VMP1: variants seen among roughly 807,000 people sequenced by gnomAD.
VMP1 encodes ectopic P-granules autophagy protein 3 homolog.
Under a neutral mutation model 56.0 loss-of-function variants are expected in VMP1, and 11 were observed. That is an observed-to-expected ratio of 0.20 (90% confidence interval 0.12 to 0.32). The LOEUF (loss-of-function observed/expected upper bound fraction) is 0.32. VMP1 is among the 10% of genes least tolerant of loss of function. VMP1 has a pLI of 1.00. For synonymous variants in VMP1, 149 were observed against 165.0 expected (o/e 0.90, Z 0.74); for missense variants, 296 against 490.3 (o/e 0.60, Z 3.74).
At chr17:59,708,030 AG>A (rs1160912218) in intron 1 of VMP1, 1 of 152,226 alleles carries the variant, frequency 6.6e-6, no homozygotes, top group Non-Finnish European at 1.5e-5. Context: ...AAGCCTTGCT[AG>A]GCTTCTTTAG....
At chr17:59,771,606 G>GTTTTTT (rs1306304917) in intron 6 of VMP1, among the ~76,000 whole-genome samples, 2 of 123,452 alleles carry the variant, frequency 1.6e-5, no homozygotes, top group African/African-American at 3.0e-5. Flanking sequence ...GGTTTTTTTG[G>GTTTTTT]TTTTTTTTTT....
chr17:59,824,420 A>G (rs1598447624), intron 10 of VMP1, among the ~76,000 whole-genome samples: 1 of 150,654 alleles, frequency 6.6e-6, no homozygotes, highest in Non-Finnish European at 1.5e-5. Flanking sequence ...AAAAATACAA[A>G]AAATTAGCCG....
At chr17:59,766,603 C>G (rs987681196) in intron 6 of VMP1, among the ~76,000 whole-genome samples, 4 of 152,118 alleles carry the variant, frequency 2.6e-5, no homozygotes, top group Admixed American at 2.6e-4. Context: ...TAATATAAAC[C>G]AAGCCTTATT....
In VMP1 at chr17:59,834,724, A is replaced by C. The variant is rs942999744; in HGVS notation, c.975-3571A>C. On this transcript the variant is annotated intron_variant, in intron 10 of 11. Coordinates refer to ENST00000262291, the MANE Select transcript of VMP1 (RefSeq NM_030938.5). ...ACTGCAACCACCATCTCCTGGGTTC[A>C]AGTGATTCTCCCATCTCAGCCTCTT... Among the ~76,000 whole-genome samples the C allele has an allele frequency of 1.1e-4, 16 of 151,778 alleles. 1 individual carries two copies. In the South Asian group the frequency reaches 3.3e-3, roughly 32 times the overall value.
intron 9 of VMP1, among the ~76,000 whole-genome samples, chr17:59,813,446 G>A (rs908142012): frequency 3.9e-5 from 6 of 151,930 alleles, no homozygotes; most frequent in Admixed American, 2.0e-4. Flanking sequence ...GCGTGGTGGC[G>A]CATGCCTGTA....
chr17:59,717,192 G>A (rs535280637), intron 1 of VMP1, among the ~76,000 whole-genome samples: 1 of 152,044 alleles, frequency 6.6e-6, no homozygotes, highest in African/African-American at 2.4e-5. Flanking sequence ...GGATGGTCTT[G>A]ATCTCCTGAC....
At chr17:59,809,679 TGTATTTTTA>T (rs1279112934) in intron 8 of VMP1, among the ~76,000 whole-genome samples, 87 of 150,904 alleles carry the variant, frequency 5.8e-4, no homozygotes, top group Non-Finnish European at 9.9e-4. Flanking sequence ...GCTAATTTTT[TGTATTTTTA>T]GTAGAGACGG....
chr17:59,735,339 C>A lies in VMP1; in HGVS notation c.78C>A (p.Asp26Glu). The change falls in exon 3 of 12, where the codon GAC (aspartate) becomes GAA (glutamate). Residue 26 changes from aspartate to glutamate, a missense_variant and splice_region_variant. Physicochemically the swap from Asp to Glu is conservative, Grantham distance 45. Around this residue, in one of 4 missense-constraint regions of VMP1, gnomAD observed 69 missense variants for 76.6 expected, o/e 0.90. Transcript: ENST00000262291. ...NKEHHNGNFT[D>E]PSSVNEKKRR... is the part of the protein sequence containing the mutation. ...AATCTCTGCACTATTGTTTTTCAGACCCCTCTTCAGTGAATGAAAAGAAGA... is the reference window on the plus strand; with the variant it reads ...AATCTCTGCACTATTGTTTTTCAGAACCCTCTTCAGTGAATGAAAAGAAGA... 6.2e-7 allele frequency: 1 copy of A among 1,613,794 alleles called. No individual in the cohort carries two copies. The highest frequency in any genetic ancestry group is 8.5e-7 in the Non-Finnish European group (1 of 1,179,852).
intron 7 of VMP1, among the ~76,000 whole-genome samples, chr17:59,795,332 G>T (rs1374674129): frequency 6.6e-6 from 1 of 151,564 alleles, no homozygotes; most frequent in Admixed American, 6.6e-5. Context: ...GGTCAGGCTG[G>T]TCTCGAACTC....
At chr17:59,801,110 ATATGTGTGTGTGTGTG>A (rs1230204640) in intron 7 of VMP1, among the ~76,000 whole-genome samples, 1,370 of 109,690 alleles carry the variant, frequency 0.012, 65 homozygotes, top group African/African-American at 0.058. Flanking sequence ...ATATATATAT[ATATGTGTGTGTGTGTG>A]TGTGTGTGTG....
chr17:59,827,934 CA>C (rs377225211), intron 10 of VMP1, among the ~76,000 whole-genome samples: 1 of 149,070 alleles, frequency 6.7e-6, no homozygotes, highest in Non-Finnish European at 1.5e-5. Context: ...ATCCTGTTCC[CA>C]AAAAAAAGCT....
intron 6 of VMP1, among the ~76,000 whole-genome samples, chr17:59,773,371 G>A (rs2036507302): frequency 6.6e-6 from 1 of 151,434 alleles, no homozygotes; most frequent in Non-Finnish European, 1.5e-5. Flanking sequence ...AATTTACTTA[G>A]TGTCTACAAT....
intron 1 of VMP1, among the ~76,000 whole-genome samples, chr17:59,726,212 G>A (rs2034595356): frequency 6.6e-6 from 1 of 151,258 alleles, no homozygotes; most frequent in African/African-American, 2.4e-5. Context: ...ATTTACAAAT[G>A]TTTAAATATC....
Position 59,775,042 on chromosome 17 carries a change from C to T in VMP1, c.714+1157C>T, listed in dbSNP as rs537067102. Among the ~76,000 whole-genome samples, 13 of 151,938 alleles carry T rather than the reference C, an allele frequency of 8.6e-5. 1 individual carries two copies. In the South Asian group the frequency reaches 1.9e-3, roughly 22 times the overall value. On this transcript the variant is annotated intron_variant, in intron 7 of 11. Transcript: ENST00000262291. ...CTACAAGCTCCACCTTCTGGGTTCA[C>T]GCCATTGTCCTGCCTCAGCCTCCCG... is the stretch of plus-strand genomic sequence containing the variant.
At chr17:59,769,957 T>C (rs1165165154) in intron 6 of VMP1, among the ~76,000 whole-genome samples, 3 of 152,222 alleles carry the variant, frequency 2.0e-5, no homozygotes, top group Non-Finnish European at 2.9e-5. Context: ...TAGGGTATAA[T>C]GTGTTTTGGG....
chr17:59,759,086 T>TCAACAA (rs887044223), intron 5 of VMP1, among the ~76,000 whole-genome samples: 3 of 152,022 alleles, frequency 2.0e-5, no homozygotes, highest in Admixed American at 2.0e-4. Flanking sequence ...AGACCCTGTC[T>TCAACAA]CAACAACAAC....
intron 10 of VMP1, among the ~76,000 whole-genome samples, chr17:59,832,835 T>C (rs1273077926): frequency 7.0e-6 from 1 of 143,656 alleles, no homozygotes; most frequent in African/African-American, 2.6e-5. Flanking sequence ...GGTCTCGAAC[T>C]CCTGACCTCA....
At chr17:59,780,900 T>C (rs1200534312) in intron 7 of VMP1, among the ~76,000 whole-genome samples, 1 of 152,150 alleles carries the variant, frequency 6.6e-6, no homozygotes, top group Non-Finnish European at 1.5e-5. Context: ...ATTTTTCTTT[T>C]CTTCATTCCT....
intron 7 of VMP1, among the ~76,000 whole-genome samples, chr17:59,804,649 T>G (rs2037788968): frequency 4.0e-5 from 6 of 150,366 alleles, no homozygotes; most frequent in Admixed American, 4.0e-4. Context: ...TGAAATAAAT[T>G]TAAAATAAGA....
Sources: gnomAD v4.1 joint callset for allele counts (sites outside exome capture counted in the v4.1 genomes callset) on GRCh38, gnomAD v4.1.1 for gene constraint, gnomAD v4.1.1 regional missense constraint, MANE v1.5 for transcripts, NCBI Gene and HGNC (gene_info 2026-07-23, HGNC 2026-07-21) for gene names.